The following ACTR3C variants were observed in gnomAD, a reference collection of about 807,000 sequenced individuals.
The protein encoded by ACTR3C is actin related protein 3C.
ACTR3C carries 18 observed loss-of-function variants against 26.3 expected under a neutral mutation model. The observed-to-expected ratio is 0.68, with a 90% CI of 0.47 to 1.01. The LOEUF is 1.01. Among genes scored for constraint, ACTR3C ranks in the 50% least tolerant of loss-of-function variants. ACTR3C has a pLI of 0.00. For synonymous variants in ACTR3C, 55 were observed against 94.5 expected, an observed-to-expected ratio of 0.58 and a Z score of 2.42; for missense variants, 184 against 250.7, an observed-to-expected ratio of 0.73 and a Z score of 1.80.
At chr7:150,020,648 G>A in the ACTR3C span, among the ~76,000 whole-genome samples, 74 of 142,806 alleles carry the variant, frequency 5.2e-4, no homozygotes, top group South Asian at 2.1e-3. Flanking sequence ...ATCCACCTTG[G>A]TACGCATCCT....
the ACTR3C span, among the ~76,000 whole-genome samples, chr7:150,043,038 A>G: frequency 6.6e-6 from 1 of 151,678 alleles, no homozygotes; most frequent in Non-Finnish European, 1.5e-5. Flanking sequence ...TTTGGGATCC[A>G]CAGTCTACAA....
the ACTR3C span, among the ~76,000 whole-genome samples, chr7:150,139,930 C>T: frequency 6.6e-5 from 10 of 152,140 alleles, no homozygotes; most frequent in African/African-American, 2.4e-4. Context: ...CTCATTGTCC[C>T]CACACAGTAT....
the ACTR3C span, among the ~76,000 whole-genome samples, chr7:150,180,277 C>T: frequency 6.7e-6 from 1 of 149,854 alleles, no homozygotes. Context: ...TGCACTCCAG[C>T]CCGGGCGACA....
the ACTR3C span, among the ~76,000 whole-genome samples, chr7:149,913,897 T>C: frequency 6.8e-6 from 1 of 147,996 alleles, no homozygotes; most frequent in South Asian, 2.2e-4. Context: ...TTTTTTTTTT[T>C]TTTTTTTTGA....
chr7:150,047,656 G>T, the ACTR3C span: 3 of 1,029,784 alleles, frequency 2.9e-6, no homozygotes, highest in Non-Finnish European at 3.5e-6. Context: ...AACCGGGGCC[G>T]GCCATCCGCG....
the ACTR3C span, among the ~76,000 whole-genome samples, chr7:149,986,206 T>C: frequency 1.3e-5 from 2 of 152,100 alleles, no homozygotes; most frequent in Non-Finnish European, 1.5e-5. Flanking sequence ...ACACATCAGT[T>C]GGGGCTGGCT....
chr7:150,068,721 T>G, the ACTR3C span, among the ~76,000 whole-genome samples: 47 of 139,174 alleles, frequency 3.4e-4, no homozygotes, highest in African/African-American at 1.3e-3. Context: ...AGGCAGAACT[T>G]GCAGTGAGCC....
chr7:150,307,177 T>C (rs1391791706), intron 1 of ACTR3C, among the ~76,000 whole-genome samples: 1 of 152,256 alleles, frequency 6.6e-6, no homozygotes, highest in Non-Finnish European at 1.5e-5. Flanking sequence ...CCTAGTTTTA[T>C]ACATTTTAGG....
chr7:150,316,490 T>G (rs1272130573), intron 1 of ACTR3C, among the ~76,000 whole-genome samples: 18 of 139,570 alleles, frequency 1.3e-4, no homozygotes, highest in Non-Finnish European at 2.4e-4. Context: ...GTTATTTTTT[T>G]TTTTTTTTTT....
the ACTR3C span, among the ~76,000 whole-genome samples, chr7:150,189,987 T>G: frequency 6.6e-6 from 1 of 151,788 alleles, no homozygotes; most frequent in South Asian, 2.1e-4. Flanking sequence ...CACTTTCCCA[T>G]GGGAGATGAA....
chr7:150,157,400 G>A, the ACTR3C span, among the ~76,000 whole-genome samples: 57 of 149,696 alleles, frequency 3.8e-4, 2 homozygotes, highest in African/African-American at 1.3e-3. Flanking sequence ...ATTAACTCAT[G>A]TCCCTTGTAA....
chr7:150,208,839 C>T, the ACTR3C span, among the ~76,000 whole-genome samples: 9,050 of 151,986 alleles, frequency 0.06, 870 homozygotes, highest in African/African-American at 0.21. Context: ...GAAATTGACC[C>T]AGAGCTGATG....
At chr7:150,281,637 G>C (rs1352961679) in intron 6 of ACTR3C, among the ~76,000 whole-genome samples, 2 of 151,886 alleles carry the variant, frequency 1.3e-5, no homozygotes, top group African/African-American at 4.8e-5. Flanking sequence ...CCTAAAGGCA[G>C]CACTGACTTG....
the ACTR3C span, among the ~76,000 whole-genome samples, chr7:150,030,596 C>G: frequency 6.6e-6 from 1 of 152,190 alleles, no homozygotes; most frequent in Non-Finnish European, 1.5e-5. Context: ...TGAATAAAAT[C>G]TTTATTGTAC....
At chr7:150,185,274 G>GGTGTGTGTGTGT in the ACTR3C span, among the ~76,000 whole-genome samples, 70 of 124,256 alleles carry the variant, frequency 5.6e-4, no homozygotes, top group African/African-American at 2.1e-3. Context: ...TTAAATGTCA[G>GGTGTGTGTGTGT]GCGTGTGTGT....
chr7:150,218,228 A>G, the ACTR3C span, among the ~76,000 whole-genome samples: 1 of 151,400 alleles, frequency 6.6e-6, no homozygotes, highest in Non-Finnish European at 1.5e-5. Flanking sequence ...CTCATCCACT[A>G]CAGAACTTTC....
chr7:150,239,825 C>G (rs1832085212), downstream of ACTR3C, among the ~76,000 whole-genome samples: 1 of 151,730 alleles, frequency 6.6e-6, no homozygotes, highest in African/African-American at 2.4e-5. Flanking sequence ...GATCCCAGCT[C>G]AATGCAACCT....
At chr7:150,025,017 C>T in the ACTR3C span, among the ~76,000 whole-genome samples, 109 of 152,106 alleles carry the variant, frequency 7.2e-4, 1 homozygote, top group African/African-American at 2.6e-3. Flanking sequence ...TGTCATGATA[C>T]AAACATATAA....
the ACTR3C span, among the ~76,000 whole-genome samples, chr7:150,211,819 T>C: frequency 7.9e-5 from 12 of 151,320 alleles, no homozygotes; most frequent in Non-Finnish European, 1.5e-4. Flanking sequence ...CTTTTCTGTA[T>C]GAAGTCACAC....
Sources: gnomAD v4.1 joint callset for allele counts (sites outside exome capture counted in the v4.1 genomes callset) on GRCh38, gnomAD v4.1.1 for gene constraint, MANE v1.5 for transcripts, NCBI Gene and HGNC (gene_info 2026-07-23, HGNC 2026-07-21) for gene names.